CNTNAP2: variants seen among roughly 807,000 people sequenced by gnomAD.
CNTNAP2 encodes the protein contactin associated protein 2.
In CNTNAP2, 98 loss-of-function variants were observed where a neutral mutation model predicts 155.2. That is an observed-to-expected ratio of 0.63 (90% CI 0.54 to 0.75). The LOEUF is 0.75. CNTNAP2 is among the 30% of genes least tolerant of loss of function. The probability of loss-of-function intolerance (pLI) is 0.00; values close to 1 mark genes in which losing one functional copy is unlikely to be tolerated. For synonymous variants in CNTNAP2, 651 were observed against 631.2 expected (o/e 1.03, Z -0.47); for missense variants, 1,727 against 1,688.1 (o/e 1.02, Z -0.40).
intron 1 of CNTNAP2, among the ~76,000 whole-genome samples, chr7:146,340,168 C>CA (rs1195946572): frequency 0.14 from 7,372 of 53,468 alleles, 614 homozygotes; most frequent in African/African-American, 0.21. Flanking sequence ...GACTCCGCCT[C>CA]AAAAAAAAAA....
At chr7:147,420,997 A>C (rs1479617239) in intron 10 of CNTNAP2, among the ~76,000 whole-genome samples, 3 of 152,204 alleles carry the variant, frequency 2.0e-5, no homozygotes, top group African/African-American at 7.2e-5. Context: ...AAAGTATTGC[A>C]ATGCAGTCTT....
chr7:147,460,581 A>G (rs529569353), intron 10 of CNTNAP2, among the ~76,000 whole-genome samples: 1 of 152,288 alleles, frequency 6.6e-6, no homozygotes, highest in Admixed American at 6.5e-5. Flanking sequence ...GAAGTTAATC[A>G]TTTTTAAATT....
intron 21 of CNTNAP2, among the ~76,000 whole-genome samples, chr7:148,297,619 T>C (rs1797309054): frequency 6.6e-6 from 1 of 152,134 alleles, no homozygotes. Context: ...TTGTTCTAGA[T>C]TGGATACTGT....
intron 22 of CNTNAP2, among the ~76,000 whole-genome samples, chr7:148,405,363 CG>C (rs1799674376): frequency 6.6e-6 from 1 of 150,538 alleles, no homozygotes; most frequent in African/African-American, 2.5e-5. Context: ...CCACTATCTC[CG>C]TATGTTCTGC....
At chr7:146,451,822 A>T (rs891124916) in intron 1 of CNTNAP2, among the ~76,000 whole-genome samples, 2 of 67,690 alleles carry the variant, frequency 3.0e-5, no homozygotes, top group African/African-American at 2.4e-4. Flanking sequence ...ATATATATAT[A>T]CGTATATATA....
chr7:146,966,000 T>C (rs1563023688), intron 3 of CNTNAP2, among the ~76,000 whole-genome samples: 1 of 152,220 alleles, frequency 6.6e-6, no homozygotes, highest in African/African-American at 2.4e-5. Context: ...CTGCTTCTCT[T>C]AGTGAAGTGG....
intron 12 of CNTNAP2, among the ~76,000 whole-genome samples, chr7:147,578,588 G>C (rs1800441673): frequency 6.6e-6 from 1 of 152,100 alleles, no homozygotes; most frequent in Non-Finnish European, 1.5e-5. Flanking sequence ...GATGTTTTCA[G>C]AGATGTGAAG....
chr7:148,079,358 A>G (rs770991649), intron 15 of CNTNAP2, among the ~76,000 whole-genome samples: 2 of 152,228 alleles, frequency 1.3e-5, no homozygotes, highest in African/African-American at 2.4e-5. Context: ...GATGTTGCCC[A>G]GATGTCCTAT....
intron 1 of CNTNAP2, among the ~76,000 whole-genome samples, chr7:146,404,139 A>AC (rs770925187): frequency 6.8e-6 from 1 of 147,344 alleles, no homozygotes; most frequent in Non-Finnish European, 1.5e-5. Flanking sequence ...AAAAAAAAAA[A>AC]AAACAAAGAA....
chr7:147,495,966 C>T (rs1043405451), intron 11 of CNTNAP2, among the ~76,000 whole-genome samples: 7 of 152,138 alleles, frequency 4.6e-5, no homozygotes, highest in African/African-American at 1.7e-4. Context: ...CTCAGAGGAG[C>T]ACGAATGCTA....
chr7:146,273,874 G>A (rs1800123351), intron 1 of CNTNAP2, among the ~76,000 whole-genome samples: 1 of 151,992 alleles, frequency 6.6e-6, no homozygotes, highest in Non-Finnish European at 1.5e-5. Flanking sequence ...ATCAGAATGA[G>A]AATAAAATGT....
At chr7:147,633,313 T>C (rs901234282) in intron 12 of CNTNAP2, among the ~76,000 whole-genome samples, 1 of 152,112 alleles carries the variant, frequency 6.6e-6, no homozygotes, top group Non-Finnish European at 1.5e-5. Context: ...TTTCAGAGGA[T>C]GTATGGAAAT....
At chr7:146,672,039 C>T (rs1044867723) in intron 1 of CNTNAP2, among the ~76,000 whole-genome samples, 4 of 152,070 alleles carry the variant, frequency 2.6e-5, no homozygotes, top group African/African-American at 9.7e-5. Flanking sequence ...TGGTCTTGAA[C>T]TCCTGACCTC....
At chr7:147,684,677 G>A (rs920847927) in intron 13 of CNTNAP2, among the ~76,000 whole-genome samples, 1 of 151,792 alleles carries the variant, frequency 6.6e-6, no homozygotes, top group Non-Finnish European at 1.5e-5. Flanking sequence ...AATGTTAACT[G>A]CATCATGCTC....
At chr7:146,338,431 G>A (rs543138005) in intron 1 of CNTNAP2, among the ~76,000 whole-genome samples, 135 of 152,142 alleles carry the variant, frequency 8.9e-4, no homozygotes, top group African/African-American at 3.2e-3. Flanking sequence ...ATGCTTCTCC[G>A]CATCAGATAT....
intron 7 of CNTNAP2, among the ~76,000 whole-genome samples, chr7:147,131,716 T>C (rs1801376269): frequency 6.6e-6 from 1 of 152,260 alleles, no homozygotes; most frequent in East Asian, 1.9e-4. Flanking sequence ...TATATGCATA[T>C]ACAAGGTATA....
At chr7:146,935,492 G>T (rs898160056) in intron 3 of CNTNAP2, among the ~76,000 whole-genome samples, 3 of 152,184 alleles carry the variant, frequency 2.0e-5, no homozygotes, top group Non-Finnish European at 4.4e-5. Context: ...AGAGAAGGTT[G>T]CCAGGAGGCC....
At chr7:146,473,666 T>G (rs866738838) in intron 1 of CNTNAP2, among the ~76,000 whole-genome samples, 2 of 152,218 alleles carry the variant, frequency 1.3e-5, no homozygotes, top group African/African-American at 2.4e-5. Flanking sequence ...TCAGTTTATG[T>G]TCTTTCCACC....
intron 4 of CNTNAP2, among the ~76,000 whole-genome samples, chr7:147,086,845 T>C (rs1361910624): frequency 6.6e-6 from 1 of 152,194 alleles, no homozygotes; most frequent in Non-Finnish European, 1.5e-5. Flanking sequence ...TTTAGTATGG[T>C]ATAATTATTG....
Sources: gnomAD v4.1 joint callset for allele counts (sites outside exome capture counted in the v4.1 genomes callset) on GRCh38, gnomAD v4.1.1 for gene constraint, MANE v1.5 for transcripts, NCBI Gene and HGNC (gene_info 2026-07-23, HGNC 2026-07-21) for gene names.